Variants in KCNMB2 observed in about 807,000 individuals in gnomAD.
KCNMB2 encodes calcium-activated potassium channel subunit beta-2.
In KCNMB2, 9 loss-of-function variants were observed where a neutral mutation model predicts 24.5. That is an observed-to-expected ratio of 0.37 (90% CI 0.22 to 0.64). KCNMB2 has a LOEUF of 0.64. Ranked by LOEUF, KCNMB2 falls within the 30% of genes least tolerant of loss-of-function variation. The pLI is 0.63. For synonymous variants in KCNMB2, 109 were observed against 104.4 expected (o/e 1.04, Z -0.27); for missense variants, 226 against 284.3 (o/e 0.79, Z 1.47).
At chr3:178,540,032 A>G (rs1487751789) in intron 1 of KCNMB2, among the ~76,000 whole-genome samples, 3 of 152,110 alleles carry the variant, frequency 2.0e-5, no homozygotes, top group African/African-American at 7.2e-5. Flanking sequence ...TACCTACATA[A>G]CATTTCCACT....
chr3:178,717,446 C>T (rs1250192280), intron 1 of KCNMB2, among the ~76,000 whole-genome samples: 1 of 152,096 alleles, frequency 6.6e-6, no homozygotes, highest in East Asian at 1.9e-4. Context: ...CCAGTCCCTC[C>T]AGTTAATGAT....
At chr3:178,686,858 C>T (rs2108325246) in intron 1 of KCNMB2, among the ~76,000 whole-genome samples, 1 of 151,040 alleles carries the variant, frequency 6.6e-6, no homozygotes, top group East Asian at 1.9e-4. Context: ...TTCAGGAAAC[C>T]TTACATTTAA....
intron 1 of KCNMB2, among the ~76,000 whole-genome samples, chr3:178,619,571 T>TA (rs1007166646): frequency 9.9e-5 from 15 of 152,142 alleles, no homozygotes; most frequent in East Asian, 7.7e-4. Flanking sequence ...TATTAGAGTA[T>TA]AAAAAACCGA....
At chr3:178,776,830 C>T (rs1227765694) in intron 1 of KCNMB2, among the ~76,000 whole-genome samples, 3 of 151,946 alleles carry the variant, frequency 2.0e-5, no homozygotes, top group Non-Finnish European at 2.9e-5. Flanking sequence ...AAAGTGTAGA[C>T]TCCTAATGTA....
intron 1 of KCNMB2, among the ~76,000 whole-genome samples, chr3:178,575,215 G>A (rs926469908): frequency 1.3e-5 from 2 of 152,184 alleles, no homozygotes; most frequent in African/African-American, 4.8e-5. Flanking sequence ...GAATGGGAGT[G>A]AGGAAAGAGA....
chr3:178,642,629 A>C (rs1719767275), intron 1 of KCNMB2, among the ~76,000 whole-genome samples: 1 of 152,236 alleles, frequency 6.6e-6, no homozygotes, highest in Non-Finnish European at 1.5e-5. Flanking sequence ...AAAGTCCATC[A>C]TTAATGCAAT....
chr3:178,815,861 A>AGTGG (rs1450811104), intron 2 of KCNMB2, among the ~76,000 whole-genome samples: 1 of 152,008 alleles, frequency 6.6e-6, no homozygotes, highest in Non-Finnish European at 1.5e-5. Context: ...CCACATTATA[A>AGTGG]GTTCCTGGGA....
chr3:178,701,745 A>G (rs1343633804), intron 1 of KCNMB2, among the ~76,000 whole-genome samples: 1 of 152,192 alleles, frequency 6.6e-6, no homozygotes, highest in Non-Finnish European at 1.5e-5. Flanking sequence ...TTAGAATGGC[A>G]ATCATCAAAA....
At chr3:178,781,898 T>G (rs1712866715) in intron 1 of KCNMB2, among the ~76,000 whole-genome samples, 1 of 145,348 alleles carries the variant, frequency 6.9e-6, no homozygotes. Context: ...CACTAACTCG[T>G]CATCTAGCAT....
chr3:178,731,525 G>A (rs1433543791), intron 1 of KCNMB2, among the ~76,000 whole-genome samples: 1 of 152,174 alleles, frequency 6.6e-6, no homozygotes, highest in African/African-American at 2.4e-5. Context: ...CAATGTATAC[G>A]ACTAGATGAG....
intron 4 of KCNMB2, among the ~76,000 whole-genome samples, chr3:178,834,133 A>G (rs1288541682): frequency 6.6e-6 from 1 of 152,168 alleles, no homozygotes; most frequent in Non-Finnish European, 1.5e-5. Flanking sequence ...ATTTTTTGGT[A>G]TATGGCATAA....
At chr3:178,757,877 G>A (rs1439553861) in intron 1 of KCNMB2, among the ~76,000 whole-genome samples, 1 of 114,428 alleles carries the variant, frequency 8.7e-6, no homozygotes, top group Non-Finnish European at 1.8e-5. Context: ...ATATATCCAA[G>A]AGGATACATA....
chr3:178,785,555 T>A (rs1424553330), intron 1 of KCNMB2, among the ~76,000 whole-genome samples: 2 of 151,902 alleles, frequency 1.3e-5, no homozygotes, highest in African/African-American at 4.8e-5. Flanking sequence ...ACCTATGAAA[T>A]GAATCTATAA....
chr3:178,649,837 T>TA (rs2108557889), intron 1 of KCNMB2, among the ~76,000 whole-genome samples: 1 of 151,548 alleles, frequency 6.6e-6, no homozygotes, highest in Non-Finnish European at 1.5e-5. Context: ...TTGACTTTTT[T>TA]CTCCTTCAGT....
At chr3:178,742,114 T>C (rs1723514757) in intron 1 of KCNMB2, among the ~76,000 whole-genome samples, 1 of 152,210 alleles carries the variant, frequency 6.6e-6, no homozygotes, top group Non-Finnish European at 1.5e-5. Flanking sequence ...TTGAAAGTCA[T>C]AGAACACCTT....
At chr3:178,596,940 A>G (rs1291035763) in intron 1 of KCNMB2, among the ~76,000 whole-genome samples, 1 of 152,116 alleles carries the variant, frequency 6.6e-6, no homozygotes, top group Non-Finnish European at 1.5e-5. Context: ...TGTCTGCTTC[A>G]TATTTAAGGT....
intron 1 of KCNMB2, among the ~76,000 whole-genome samples, chr3:178,805,567 AG>A (rs1713933363): frequency 6.6e-6 from 1 of 152,172 alleles, no homozygotes; most frequent in African/African-American, 2.4e-5. Context: ...CTTGTTACAA[AG>A]GCAGGCTCTC....
At chr3:178,556,693 C>T (rs1439572762) in intron 1 of KCNMB2, among the ~76,000 whole-genome samples, 1 of 152,162 alleles carries the variant, frequency 6.6e-6, no homozygotes, top group East Asian at 1.9e-4. Flanking sequence ...GTGTAAGCCA[C>T]CTCGCCCTGC....
chr3:178,801,075 C>A (rs576604279), intron 1 of KCNMB2, among the ~76,000 whole-genome samples: 2 of 151,442 alleles, frequency 1.3e-5, no homozygotes, highest in South Asian at 4.2e-4. Context: ...TTAATGGGTA[C>A]AAAATATAGT....
Sources: gnomAD v4.1 joint callset for allele counts (sites outside exome capture counted in the v4.1 genomes callset) on GRCh38, gnomAD v4.1.1 for gene constraint, MANE v1.5 for transcripts, NCBI Gene and HGNC (gene_info 2026-07-23, HGNC 2026-07-21) for gene names.